TASP1: variants seen among roughly 807,000 people sequenced by gnomAD.
The protein encoded by TASP1 is threonine aspartase 1.
A neutral mutation model predicts 56.6 loss-of-function variants in TASP1; 16 were observed. That is an observed-to-expected ratio of 0.28 (90% CI 0.19 to 0.43). The LOEUF is 0.43. TASP1 is among the 20% of genes least tolerant of loss of function. The probability of loss-of-function intolerance (pLI) is 1.00; values close to 1 mark genes in which losing one functional copy is unlikely to be tolerated. For missense variants in TASP1, 393 were observed against 511.6 expected, an observed-to-expected ratio of 0.77 and a Z score of 2.24; for synonymous variants, 179 against 184.2, an observed-to-expected ratio of 0.97 and a Z score of 0.23.
the TASP1 span, among the ~76,000 whole-genome samples, chr20:13,289,612 A>C: frequency 1.3e-5 from 2 of 152,132 alleles, no homozygotes; most frequent in Non-Finnish European, 2.9e-5. Context: ...GAGAAGAAGA[A>C]AGAGAAGGAG....
chr20:13,384,001 G>C, the TASP1 span, among the ~76,000 whole-genome samples: 1 of 152,180 alleles, frequency 6.6e-6, no homozygotes, highest in African/African-American at 2.4e-5. Flanking sequence ...AAGAACCTGG[G>C]TGGAAAGATT....
chr20:13,196,318 A>G, the TASP1 span, among the ~76,000 whole-genome samples: 985 of 152,340 alleles, frequency 6.5e-3, 20 homozygotes, highest in African/African-American at 0.022. Context: ...TTTAGTTTTA[A>G]ACCATCTAGT....
chr20:13,461,930 C>A (rs1254713395), intron 11 of TASP1, among the ~76,000 whole-genome samples: 3 of 152,048 alleles, frequency 2.0e-5, no homozygotes, highest in Non-Finnish European at 4.4e-5. Flanking sequence ...AAAAGAAGCC[C>A]CATTTTGTGG....
chr20:13,160,135 G>A, the TASP1 span: 23 of 1,613,732 alleles, frequency 1.4e-5, no homozygotes, highest in African/African-American at 2.7e-4. Flanking sequence ...TAGACACGGT[G>A]AGTACACCAC....
rs1568736656 is a variant in TASP1 at position 13,391,419 on chromosome 20, G to C, written c.1171-967C>G. On this transcript the variant is annotated intron_variant, in intron 13 of 13. Transcript: ENST00000337743. The stretch of plus-strand genomic sequence containing the variant: ...TTAATCCAAGGATAGATAAATGTCT[G>C]GAATTTCTAAGAAGAAAGAGGGGCT... 5.9e-5 allele frequency among the ~76,000 whole-genome samples: 9 copies of C among 152,094 alleles called. No homozygotes were observed. In the South Asian group the frequency reaches 1.9e-3, roughly 32 times the overall value.
chr20:13,343,043 A>G, the TASP1 span, among the ~76,000 whole-genome samples: 2 of 152,196 alleles, frequency 1.3e-5, no homozygotes, highest in African/African-American at 4.8e-5. Context: ...AAATACCACA[A>G]CATGGCTCAG....
intron 11 of TASP1, among the ~76,000 whole-genome samples, chr20:13,460,565 AGC>A (rs1451193738): frequency 3.3e-5 from 5 of 152,088 alleles, no homozygotes; most frequent in African/African-American, 1.2e-4. Flanking sequence ...TCATTTTATA[AGC>A]ATCTTTTGAA....
chr20:13,535,398 C>T (rs1227254038), intron 8 of TASP1, among the ~76,000 whole-genome samples: 1 of 152,198 alleles, frequency 6.6e-6, no homozygotes, highest in Non-Finnish European at 1.5e-5. Context: ...GTACTTACAT[C>T]TAGAATTTAT....
intron 4 of TASP1, among the ~76,000 whole-genome samples, chr20:13,605,795 T>C (rs920373060): frequency 1.3e-5 from 2 of 152,226 alleles, no homozygotes; most frequent in Non-Finnish European, 2.9e-5. Flanking sequence ...GTCCAGTAAG[T>C]AGCCAGTGCT....
chr20:13,535,839 T>C (rs1026770277), intron 8 of TASP1, among the ~76,000 whole-genome samples: 1 of 152,204 alleles, frequency 6.6e-6, no homozygotes, highest in Non-Finnish European at 1.5e-5. Context: ...CAAATCCAGA[T>C]GCTGCCGCTA....
chr20:13,209,272 ACT>A, the TASP1 span, among the ~76,000 whole-genome samples: 1 of 152,198 alleles, frequency 6.6e-6, no homozygotes, highest in South Asian at 2.1e-4. Flanking sequence ...GTTATAATCC[ACT>A]GAGATTTTGG....
chr20:13,556,883 GTTC>G (rs1017273379), intron 8 of TASP1, among the ~76,000 whole-genome samples: 58 of 152,220 alleles, frequency 3.8e-4, no homozygotes, highest in African/African-American at 1.3e-3. Context: ...ACATCATTTT[GTTC>G]TTCTTTTTTT....
the TASP1 span, among the ~76,000 whole-genome samples, chr20:13,339,835 C>T: frequency 6.6e-6 from 1 of 152,000 alleles, no homozygotes; most frequent in Admixed American, 6.6e-5. Flanking sequence ...AGTCCCAGCT[C>T]ACGCTCAATA....
chr20:13,629,364 C>CAAAAA (rs1218111399), intron 2 of TASP1, among the ~76,000 whole-genome samples: 2 of 52,022 alleles, frequency 3.8e-5, no homozygotes, highest in African/African-American at 6.1e-5. Flanking sequence ...AACTCCATCT[C>CAAAAA]AAAAAAAAAA....
At chr20:13,147,604 C>T in the TASP1 span, among the ~76,000 whole-genome samples, 4 of 152,144 alleles carry the variant, frequency 2.6e-5, no homozygotes, top group African/African-American at 9.7e-5. Context: ...CATTCTTAGA[C>T]CACTGCAGGC....
chr20:13,172,615 T>C, the TASP1 span, among the ~76,000 whole-genome samples: 1 of 152,270 alleles, frequency 6.6e-6, no homozygotes, highest in South Asian at 2.1e-4. Context: ...CAATACCAGA[T>C]ACTAGAAGAC....
At chr20:13,335,520 A>G in the TASP1 span, among the ~76,000 whole-genome samples, 1 of 152,168 alleles carries the variant, frequency 6.6e-6, no homozygotes, top group African/African-American at 2.4e-5. Flanking sequence ...CTTACTCTTG[A>G]ATATAAACAT....
chr20:13,240,117 C>T, the TASP1 span, among the ~76,000 whole-genome samples: 2,532 of 152,252 alleles, frequency 0.017, 71 homozygotes, highest in African/African-American at 0.056. Context: ...TGAGCACTGC[C>T]CAGCCACATG....
intron 4 of TASP1, among the ~76,000 whole-genome samples, chr20:13,600,367 T>A (rs1012252520): frequency 2.0e-5 from 3 of 152,132 alleles, no homozygotes; most frequent in Non-Finnish European, 4.4e-5. Context: ...TTCAAGAGTG[T>A]GGTATTGACA....
Sources: allele counts gnomAD v4.1 joint callset (sites outside exome capture counted in the v4.1 genomes callset), GRCh38; gene constraint gnomAD v4.1.1; transcripts MANE v1.5; gene names NCBI Gene and HGNC (gene_info 2026-07-23, HGNC 2026-07-21).